The following CAPN10 variants were observed in gnomAD, a reference collection of about 807,000 sequenced individuals.
The protein encoded by CAPN10 is calpain 10, also known as calpain-10.
Under a neutral mutation model 78.4 loss-of-function variants are expected in CAPN10, and 71 were observed. The observed-to-expected ratio is 0.91, with a 90% CI of 0.75 to 1.10. CAPN10 has a LOEUF of 1.10. Among genes scored for constraint, CAPN10 ranks in the 50% least tolerant of loss-of-function variants. CAPN10 has a pLI of 0.00. For missense variants in CAPN10, 849 were observed against 924.6 expected (o/e 0.92, Z 1.06); for synonymous variants, 437 against 407.2 (o/e 1.07, Z -0.88).
intron 3 of CAPN10, chr2:240,591,638 T>G: frequency 2.2e-6 from 1 of 457,862 alleles, no homozygotes; most frequent in Non-Finnish European, 3.9e-6. Flanking sequence ...AGCCAAGGGA[T>G]GTGGGCATCC....
chr2:240,594,439 A>G, intron 5 of CAPN10, 104 bp from the exon 6 acceptor site: 1 of 1,216,232 alleles, frequency 8.2e-7, no homozygotes, highest in South Asian at 1.4e-5. Flanking sequence ...GCTGGCAGGA[A>G]CTCAGGGCTC....
intron 5 of CAPN10, 50 bp from the exon 6 acceptor site, chr2:240,594,493 A>T: frequency 6.4e-7 from 1 of 1,569,538 alleles, no homozygotes; most frequent in Non-Finnish European, 8.7e-7. Flanking sequence ...CGGCAAGTTG[A>T]CACTACCAGT....
intron 1 of CAPN10, among the ~76,000 whole-genome samples, chr2:240,587,634 G>A (rs776738257): frequency 3.9e-5 from 6 of 152,248 alleles, no homozygotes. Context: ...TGCGGTCTTA[G>A]CGGAGACAAC....
Position 240,587,053 on chromosome 2 carries a change from G to C in CAPN10, c.141+1G>C, listed in dbSNP as rs1193810437. The C allele has an allele frequency of 1.4e-6, 2 of 1,396,374 alleles. No individual in the cohort carries two copies. The highest frequency in any genetic ancestry group is 1.5e-5 in the South Asian group (1 of 65,338). The allele number at this position is 1,396,374 out of a possible 1,614,324, so 86.5% of individuals were successfully genotyped here. On this transcript the variant is annotated splice_donor_variant, in intron 1 of 11. Transcript: ENST00000391984. LOFTEE classifies it high-confidence loss of function. ...GGACATCACGTGGAGGCGGCCCCAGGTGGGGCCGTGTGGGGTGCGGTGGGC... is the reference window on the plus strand; with the variant it reads ...GGACATCACGTGGAGGCGGCCCCAGCTGGGGCCGTGTGGGGTGCGGTGGGC...
rs767436231 is a variant in CAPN10 at position 240,594,558 on chromosome 2, C to G, written c.846C>G (p.Ser282Arg). ...TTTCTTCCAGGGGTGAAGGGTGGAG[C>G]CAGGTAGATGCAGCGGTAGCATCTG... ...GLWREGGEGW[S>R]QVDAAVASEL... Residue 282 changes from serine to arginine, a missense_variant, in exon 6 of 12, where the codon AGC becomes AGG. Ser to Arg is a moderately radical substitution (Grantham distance 110). Coordinates refer to ENST00000391984, the MANE Select transcript of CAPN10 (RefSeq NM_023083.4). The G allele has an allele frequency of 4.3e-6, 7 of 1,613,444 alleles. No individual in the cohort carries two copies. Among genetic ancestry groups the G allele is most frequent in the East Asian group, 4.5e-5 (2 of 44,868 alleles).
intron 7 of CAPN10, chr2:240,595,873 G>A: frequency 8.5e-7 from 1 of 1,176,512 alleles, no homozygotes; most frequent in Non-Finnish European, 1.2e-6. Flanking sequence ...CCTGAGTGTG[G>A]GTCGAGGATA....
chr2:240,590,764 C>T (rs768415212), intron 2 of CAPN10, 51 bp from the exon 3 acceptor site: 63 of 1,566,006 alleles, frequency 4.0e-5, no homozygotes, highest in African/African-American at 2.3e-4. Flanking sequence ...GGAGTAGCGC[C>T]GGGTGGTGCT....
intron 5 of CAPN10, 69 bp from the exon 6 acceptor site, chr2:240,594,474 C>A: frequency 6.6e-7 from 1 of 1,517,028 alleles, no homozygotes; most frequent in Non-Finnish European, 9.0e-7. Context: ...AGGCTTCCCC[C>A]CAGCCTGCCG....
At position 240,594,042 on chromosome 2, in the gene CAPN10, A is replaced by G; in HGVS notation, c.825A>G (p.Arg275=). The change falls in exon 5 of 12, where the codon AGA becomes AGG. Residue 275 remains arginine (R), a synonymous_variant. Transcript: ENST00000391984. ...GGCGGTGCTGGCAGGGGCTCTGGAG[A>G]GAGGGGTGAGTGCTGGGGCCTGGAC... The part of the protein sequence containing the change: ...WGRRCWQGLW[R]EGGEGWSQVD... 1 of 1,597,608 alleles carries G rather than the reference A, an allele frequency of 6.3e-7. No homozygotes were observed. Among genetic ancestry groups the G allele is most frequent in the Non-Finnish European group, 8.5e-7 (1 of 1,170,340 alleles).
chr2:240,586,767 C>T lies in CAPN10; in HGVS notation c.-145C>T, dbSNP rs1049392183. 1 of 741,446 alleles carries T rather than the reference C, an allele frequency of 1.3e-6. No individual in the cohort carries two copies. The highest frequency in any genetic ancestry group is 1.9e-6 in the Non-Finnish European group (1 of 530,202). The allele number at this position is 741,446 out of a possible 1,614,324, so 45.9% of individuals were successfully genotyped here. On this transcript the variant is annotated 5_prime_UTR_variant, in exon 1 of 12. Coordinates refer to ENST00000391984, the MANE Select transcript of CAPN10 (RefSeq NM_023083.4). ...GGGCCGGCGTACTGGCCTGGTCCAG[C>T]ACCTGCGGGGCCCTCGGGCTTGGAG...
At chr2:240,591,623 T>G in intron 3 of CAPN10, 1 of 425,536 alleles carries the variant, frequency 2.3e-6, no homozygotes, top group Non-Finnish European at 4.2e-6. Context: ...GGGTTGGAGC[T>G]TGAGAGCCAA....
rs750985071 is a variant in CAPN10, at chr2:240,593,933, C to G, written c.716C>G (p.Ala239Gly). The G allele has an allele frequency of 1.9e-6, 3 of 1,606,692 alleles. No homozygotes were observed. ...GCCCGGGAGCTGGGGGAGTTCCATG[C>G]CTTCATTGTCTCGGACCTGCGGGAG... Reference protein sequence around the residue: ...AGARELGEFHAFIVSDLRELQ... With the variant: ...AGARELGEFHGFIVSDLRELQ... The change falls in exon 5 of 12, where the codon GCC becomes GGC. Residue 239 changes from alanine (A) to glycine (G), a missense_variant. Physicochemically the swap from Ala to Gly is moderately conservative, Grantham distance 60. Transcript: ENST00000391984.
Position 240,590,957 on chromosome 2 carries a change from G to A in CAPN10, c.416G>A (p.Arg139His), listed in dbSNP as rs770374333. Residue 139 changes from arginine (R) to histidine (H), a missense_variant, in exon 3 of 12, where the codon CGC (arginine) becomes CAC (histidine). Arg to His is a conservative substitution (Grantham distance 29). Transcript: ENST00000391984. ...CTTGCAGGGAGACTCTGTTTCTCCCGCTGCCAGAGGGAGGATGTGTTCTGG... is the reference window on the plus strand; with the variant it reads ...CTTGCAGGGAGACTCTGTTTCTCCCACTGCCAGAGGGAGGATGTGTTCTGG... ...PCLAGRLCFS[R>H]CQREDVFWLP... The A allele has an allele frequency of 1.8e-5, 29 of 1,614,058 alleles. No individual in the cohort carries two copies. The highest frequency in any genetic ancestry group is 5.3e-5 in the African/African-American group (4 of 74,928).
intron 4 of CAPN10, chr2:240,592,690 A>G (rs2125460774): frequency 2.8e-6 from 1 of 354,352 alleles, no homozygotes; most frequent in African/African-American, 2.1e-5. Flanking sequence ...ACCACATGTG[A>G]CTTTTGAGTG....
At chr2:240,595,541 A>G (rs2093131472) in intron 7 of CAPN10, among the ~76,000 whole-genome samples, 1 of 152,202 alleles carries the variant, frequency 6.6e-6, no homozygotes, top group Non-Finnish European at 1.5e-5. Context: ...GCCAAAGGAA[A>G]GCAACAGAGT....
intron 11 of CAPN10, 94 bp from the exon 12 acceptor site, chr2:240,598,557 C>G (rs1203650227): frequency 1.6e-5 from 24 of 1,471,818 alleles, no homozygotes; most frequent in Non-Finnish European, 2.2e-5. Context: ...GCAGGGGGAG[C>G]TGAGGCTGCG....
intron 1 of CAPN10, among the ~76,000 whole-genome samples, chr2:240,587,357 A>G (rs2093075153): frequency 6.6e-6 from 1 of 152,222 alleles, no homozygotes; most frequent in South Asian, 2.1e-4. Flanking sequence ...ACCCCGCCCC[A>G]CCTGTTTGCT....
At position 240,596,515 on chromosome 2, in the gene CAPN10, C is replaced by T. The variant is rs538913310; in HGVS notation, c.1475C>T (p.Ser492Phe). Residue 492 changes from serine to phenylalanine, a missense_variant, in exon 8 of 12, where the codon TCC becomes TTC. Coordinates refer to ENST00000391984, the MANE Select transcript of CAPN10 (RefSeq NM_023083.4). ...CGAGTCTTCTCTACCGGGCGAGTCT[C>T]CCTTAGGTGAGAGGAACCGCGCAGT... is the stretch of plus-strand genomic sequence containing the variant. ...LLRVFSTGRV[S>F]LSAIRAVAKN... 2 of 1,604,250 alleles carry T rather than the reference C, an allele frequency of 1.2e-6. No homozygotes were observed. The highest frequency in any genetic ancestry group is 1.7e-6 in the Non-Finnish European group (2 of 1,173,086).
At chr2:240,594,770 C>T in intron 6 of CAPN10, 61 bp downstream of exon 6, 2 of 1,412,412 alleles carry the variant, frequency 1.4e-6, no homozygotes, top group Non-Finnish European at 1.9e-6. Context: ...GGAGGCTGGG[C>T]AGGTGCCTGG....
Sources: gnomAD v4.1 joint callset for allele counts (sites outside exome capture counted in the v4.1 genomes callset) on GRCh38, gnomAD v4.1.1 for gene constraint, MANE v1.5 for transcripts, NCBI Gene and HGNC (gene_info 2026-07-23, HGNC 2026-07-21) for gene names.